The following INO80D variants were observed in gnomAD, a reference collection of about 807,000 sequenced individuals.
INO80D encodes the protein INO80 complex subunit D.
A neutral mutation model predicts 87.6 loss-of-function variants in INO80D; 21 were observed. The observed-to-expected ratio is 0.24, with a 90% CI of 0.17 to 0.35. The LOEUF (loss-of-function observed/expected upper bound fraction) is 0.35. INO80D is among the 10% of genes least tolerant of loss of function. The pLI, the probability that INO80D is intolerant of heterozygous loss-of-function variation, is 1.00. For missense variants in INO80D, 982 were observed against 1,280.7 expected, an observed-to-expected ratio of 0.77 and a Z score of 3.56; for synonymous variants, 440 against 491.0, an observed-to-expected ratio of 0.90 and a Z score of 1.37.
At chr2:206,009,092 T>C (rs1316666204) in intron 9 of INO80D, among the ~76,000 whole-genome samples, 3 of 152,164 alleles carry the variant, frequency 2.0e-5, no homozygotes, top group Admixed American at 6.6e-5. Flanking sequence ...GGTGGATCAC[T>C]TGAGGTCAAG....
At chr2:206,020,347 C>T (rs1688426928) in intron 6 of INO80D, among the ~76,000 whole-genome samples, 1 of 152,130 alleles carries the variant, frequency 6.6e-6, no homozygotes, top group African/African-American at 2.4e-5. Flanking sequence ...ATCTAAACCA[C>T]TTATATACAG....
intron 5 of INO80D, chr2:206,040,915 T>C (rs76849562): frequency 1.3e-5 from 2 of 156,254 alleles, no homozygotes; most frequent in Non-Finnish European, 2.8e-5. Flanking sequence ...TAAATTCAAA[T>C]GGTCTAAACA....
chr2:206,045,127 C>G (rs1464081843), intron 5 of INO80D, among the ~76,000 whole-genome samples: 2 of 152,074 alleles, frequency 1.3e-5, no homozygotes, highest in Non-Finnish European at 2.9e-5. Context: ...AGACAGTGAC[C>G]ACTAATAAAA....
intron 5 of INO80D, among the ~76,000 whole-genome samples, chr2:206,035,099 G>T (rs1450003994): frequency 6.6e-6 from 1 of 151,854 alleles, no homozygotes; most frequent in Non-Finnish European, 1.5e-5. Context: ...TGGATGACAC[G>T]AACAAATGGA....
Position 206,048,097 on chromosome 2 carries a change from C to T in INO80D, c.965-1485G>A, listed in dbSNP as rs938814609. On this transcript the variant is annotated intron_variant, in intron 4 of 10. Coordinates refer to ENST00000403263, the MANE Select transcript of INO80D (RefSeq NM_017759.5). ...GTCTCGATCTCCTGACCTTGTGATC[C>T]ACCCGCCTTGGCCTCCCAAAGTGCT... Among the ~76,000 whole-genome samples the T allele has an allele frequency of 5.5e-4, 83 of 152,080 alleles. 1 individual carries two copies. Among genetic ancestry groups the T allele is most frequent in the Non-Finnish European group, 9.1e-4 (62 of 68,012 alleles).
chr2:206,064,284 T>G (rs1689759461), intron 1 of INO80D, among the ~76,000 whole-genome samples: 1 of 152,174 alleles, frequency 6.6e-6, no homozygotes, highest in Non-Finnish European at 1.5e-5. Context: ...TGGTAGGATT[T>G]ATATATTACA....
rs1003085655 is a variant in INO80D at position 206,085,074 on chromosome 2, G to A, written c.-124+827C>T. ...TCTTCAATGGACAGGAACTGGCAAA[G>A]AGTTTCAAAATAGCCGAGTGCGCTC... On this transcript the variant is annotated intron_variant, in intron 1 of 10. Transcript: ENST00000403263. This position sits in a 1 kb window ranked among gnomAD's most constrained non-coding sequence, Gnocchi z 4.5. Among the ~76,000 whole-genome samples the A allele has an allele frequency of 6.6e-6, 1 of 152,068 alleles. No homozygotes were observed. Among genetic ancestry groups the A allele is most frequent in the African/African-American group, 2.4e-5 (1 of 41,444 alleles).
intron 4 of INO80D, among the ~76,000 whole-genome samples, chr2:206,046,923 C>T (rs1282930723): frequency 7.2e-5 from 11 of 152,008 alleles, no homozygotes; most frequent in South Asian, 2.1e-4. Flanking sequence ...CAGGACTACA[C>T]GCGCCAGCCA....
intron 5 of INO80D, among the ~76,000 whole-genome samples, chr2:206,030,746 A>G (rs1238879975): frequency 6.6e-6 from 1 of 152,216 alleles, no homozygotes; most frequent in Non-Finnish European, 1.5e-5. Context: ...AAGACTTGTA[A>G]TTTTTTAAAT....
chr2:206,072,445 T>C lies in INO80D; in HGVS notation c.-123-9201A>G, dbSNP rs1344790246. Among the ~76,000 whole-genome samples, 3 of 151,940 alleles carry C rather than the reference T, an allele frequency of 2.0e-5. No individual in the cohort carries two copies. The Admixed American group carries it at 2.0e-4, about 10-fold the overall frequency. Reference sequence around the variant, plus strand: ...CGCCCGCCACCACGCCCAGCCAATTTTTTTGTATTTTTAGTAGAGACGGGG... The same window carrying C: ...CGCCCGCCACCACGCCCAGCCAATTCTTTTGTATTTTTAGTAGAGACGGGG... On this transcript the variant is annotated intron_variant, in intron 1 of 10. Coordinates refer to ENST00000403263, the MANE Select transcript of INO80D (RefSeq NM_017759.5).
chr2:206,006,669 C>T (rs376087178), intron 10 of INO80D, among the ~76,000 whole-genome samples: 1 of 142,022 alleles, frequency 7.0e-6, no homozygotes, highest in African/African-American at 2.6e-5. Context: ...AGCGACAGAG[C>T]GAGACTCCAT....
intron 1 of INO80D, among the ~76,000 whole-genome samples, chr2:206,073,739 C>T (rs1690033307): frequency 6.6e-6 from 1 of 152,050 alleles, no homozygotes; most frequent in Non-Finnish European, 1.5e-5. Flanking sequence ...GGTCTCGAAC[C>T]TCTAGGCTCA....
chr2:205,997,268 G>A lies in INO80D; in HGVS notation c.*7100C>T, dbSNP rs922882628. 4.0e-5 allele frequency: 6 copies of A among 151,602 alleles called. No homozygotes were observed. The highest frequency in any genetic ancestry group is 1.2e-4 in the African/African-American group (5 of 41,232). The allele number at this position is 151,602 out of a possible 1,614,324, so 9.4% of individuals were successfully genotyped here. A position where few individuals can be genotyped will look rare whatever the true frequency, so the allele number is the denominator to read the frequency against. On this transcript the variant is annotated 3_prime_UTR_variant, in exon 11 of 11. Coordinates refer to ENST00000403263, the MANE Select transcript of INO80D (RefSeq NM_017759.5). ...TTTTTTTAATTCCATATGAATCAGGGGTAGCACAATTTTCCTATAGCTGAA... is the reference window on the plus strand; with the variant it reads ...TTTTTTTAATTCCATATGAATCAGGAGTAGCACAATTTTCCTATAGCTGAA...
chr2:206,031,644 C>A (rs1451183254), intron 5 of INO80D, among the ~76,000 whole-genome samples: 1 of 152,228 alleles, frequency 6.6e-6, no homozygotes, highest in East Asian at 1.9e-4. Flanking sequence ...ACCCCTAGGA[C>A]TGGCTTAAAA....
rs1380285936 is a variant in INO80D at position 206,062,781 on chromosome 2, C to A, written c.218+18G>T. 6.3e-7 allele frequency: 1 copy of A among 1,576,306 alleles called. No homozygotes were observed. Among genetic ancestry groups the A allele is most frequent in the Non-Finnish European group, 8.6e-7 (1 of 1,163,182 alleles). On this transcript the variant is annotated intron_variant, in intron 3 of 10. Coordinates refer to ENST00000403263, the MANE Select transcript of INO80D (RefSeq NM_017759.5). This position sits in a 1 kb window ranked among gnomAD's most constrained non-coding sequence, Gnocchi z 4.6. ...CTGTTAATGAAATCAAGGATTGATTCTCATGATTAGCCCTTACCTACGATC... is the reference window on the plus strand; with the variant it reads ...CTGTTAATGAAATCAAGGATTGATTATCATGATTAGCCCTTACCTACGATC...
chr2:206,025,545 A>ATATATATATG (rs1688592220), intron 6 of INO80D: 1 of 118,602 alleles, frequency 8.4e-6, no homozygotes, highest in Non-Finnish European at 1.7e-5. Context: ...AAAAAAAAAT[A>ATATATATATG]TATATATATA....
rs558834602 is a variant in INO80D, at chr2:206,054,460, A to AT, written c.964+1737dup. On this transcript the variant is annotated intron_variant, in intron 4 of 10. Coordinates refer to ENST00000403263, the MANE Select transcript of INO80D (RefSeq NM_017759.5). ...CTTGCACATATATCCTTACATTTTG[A>AT]TTTTTTTAATCCACAGGATAGTGTC... 2.2e-4 allele frequency among the ~76,000 whole-genome samples: 34 copies of AT among 152,148 alleles called. No individual in the cohort carries two copies. The East Asian group carries it at 6.4e-3, about 29-fold the overall frequency.
intron 1 of INO80D, among the ~76,000 whole-genome samples, chr2:206,063,996 T>C (rs991080830): frequency 3.3e-5 from 5 of 152,232 alleles, no homozygotes; most frequent in African/African-American, 1.2e-4. Context: ...AAATACAAAA[T>C]AAATTTTGTA....
intron 5 of INO80D, among the ~76,000 whole-genome samples, chr2:206,033,055 A>T (rs900430760): frequency 3.3e-5 from 5 of 152,230 alleles, no homozygotes; most frequent in African/African-American, 1.2e-4. Flanking sequence ...AATGGATAAG[A>T]ACCCACCAAC....
Sources: gnomAD v4.1 joint callset for allele counts (sites outside exome capture counted in the v4.1 genomes callset) on GRCh38, gnomAD v4.1.1 for gene constraint, Gnocchi (gnomAD v3.1) non-coding constraint, MANE v1.5 for transcripts, NCBI Gene and HGNC (gene_info 2026-07-23, HGNC 2026-07-21) for gene names.